Variants in FRMPD4 observed in about 807,000 individuals in gnomAD.
FRMPD4 encodes the protein FERM and PDZ domain containing 4, also known as FERM and PDZ domain-containing protein 4.
A neutral mutation model predicts 94.1 loss-of-function variants in FRMPD4; 22 were observed. The observed-to-expected ratio is 0.23, with a 90% CI of 0.17 to 0.33. The LOEUF (loss-of-function observed/expected upper bound fraction) is 0.33, where lower values mean the gene tolerates loss of function less well. Among genes scored for constraint, FRMPD4 ranks in the 10% least tolerant of loss-of-function variants. The probability of loss-of-function intolerance (pLI) is 1.00; values close to 1 mark genes in which losing one functional copy is unlikely to be tolerated. For synonymous variants in FRMPD4, 631 were observed against 548.6 expected (o/e 1.15, Z -2.10); for missense variants, 1,111 against 1,339.9 (o/e 0.83, Z 2.67).
chrX:11,900,909 C>T (rs967075034), intron 3 of FRMPD4, among the ~76,000 whole-genome samples: 3 of 111,213 alleles, frequency 2.7e-5, no homozygotes, highest in Non-Finnish European at 5.7e-5. Flanking sequence ...TGACCCCCAT[C>T]GCAGAAAGAG....
At chrX:12,443,807 C>T (rs761888992) in intron 1 of FRMPD4, among the ~76,000 whole-genome samples, 44 of 111,950 alleles carry the variant, frequency 3.9e-4, no homozygotes, top group Non-Finnish European at 7.3e-4. Flanking sequence ...TGGAAAAAAA[C>T]ACAAAGATAC....
intron 5 of FRMPD4, among the ~76,000 whole-genome samples, chrX:12,675,378 T>C (rs2059888234): frequency 9.2e-6 from 1 of 109,019 alleles, no homozygotes; most frequent in African/African-American, 3.4e-5. Context: ...GCTATCATGG[T>C]TAGGAGGGTG....
chrX:12,721,332 G>T lies in FRMPD4; in HGVS notation c.4763G>T (p.Arg1588Leu), dbSNP rs1352491883. The change falls in exon 17 of 17, where the codon CGG becomes CTG. Residue 1588 changes from arginine (R) to leucine (L), a missense_variant. Around this residue, in one of 8 missense-constraint regions of FRMPD4, gnomAD observed 551 missense variants for 591.6 expected, o/e 0.93. Transcript: ENST00000675598. ...TTCAGCAACCTGGCTTTTGATGCCCGGATTGCAAGAATAAATGCCCTAAAG... is the reference window on the plus strand; with the variant it reads ...TTCAGCAACCTGGCTTTTGATGCCCTGATTGCAAGAATAAATGCCCTAAAG... ...LDFSNLAFDA[R>L]IARINALKES... 1.3e-6 allele frequency: 1 copy of T among 753,667 alleles called. No individual in the cohort carries two copies. Among genetic ancestry groups the T allele is most frequent in the Non-Finnish European group, 1.6e-6 (1 of 638,681 alleles). The allele number at this position is 753,667 out of a possible 1,213,427, so 62.1% of individuals were successfully genotyped here.
intron 4 of FRMPD4, among the ~76,000 whole-genome samples, chrX:12,629,853 A>G (rs908956830): frequency 8.9e-6 from 1 of 112,342 alleles, no homozygotes; most frequent in African/African-American, 3.2e-5. Flanking sequence ...TGCTCTGGAA[A>G]TTGCAGGGTA....
At position 12,296,562 on chromosome X, in the gene FRMPD4, G is replaced by T. The variant is rs141120043; in HGVS notation, c.41+157550G>T. Among the ~76,000 whole-genome samples, 412 of 112,058 alleles carry T rather than the reference G, an allele frequency of 3.7e-3. 2 individuals carry two copies. Among genetic ancestry groups the T allele is most frequent in the Non-Finnish European group, 5.7e-3 (304 of 53,145 alleles). On this transcript the variant is annotated intron_variant, in intron 1 of 16. Transcript: ENST00000675598. The stretch of plus-strand genomic sequence containing the variant: ...GGGGGTTGGGTAGATCAGCAATACA[G>T]ACCTGAGTCACTTCCAGCTTGCTGA...
intron 1 of FRMPD4, among the ~76,000 whole-genome samples, chrX:12,494,605 C>T (rs1602023170): frequency 9.0e-6 from 1 of 111,514 alleles, no homozygotes; most frequent in African/African-American, 3.3e-5. Flanking sequence ...CTCCAGGTGG[C>T]TCCTGAAAGC....
At chrX:12,585,466 G>T (rs754945054) in intron 2 of FRMPD4, among the ~76,000 whole-genome samples, 9 of 111,308 alleles carry the variant, frequency 8.1e-5, no homozygotes, top group Non-Finnish European at 1.3e-4. Context: ...TGATCCACCT[G>T]CCTTGGCCTC....
chrX:12,001,981 A>G, intron 3 of FRMPD4, among the ~76,000 whole-genome samples: 1 of 111,702 alleles, frequency 9.0e-6, no homozygotes, highest in Non-Finnish European at 1.9e-5. Flanking sequence ...GAAGTAAATA[A>G]TAATTGCAGC....
chrX:11,903,971 G>A (rs2053953328), intron 3 of FRMPD4, among the ~76,000 whole-genome samples: 1 of 110,450 alleles, frequency 9.1e-6, no homozygotes, highest in Admixed American at 9.7e-5. Context: ...TTGTAGTGAT[G>A]GGGGTCTCAC....
intron 3 of FRMPD4, among the ~76,000 whole-genome samples, chrX:11,927,410 G>A (rs377367744): frequency 9.9e-4 from 111 of 111,781 alleles, no homozygotes; most frequent in African/African-American, 3.4e-3. Context: ...TAAAATTCAT[G>A]TGGAACCAAA....
chrX:11,912,817 C>T (rs1240041255), intron 3 of FRMPD4, among the ~76,000 whole-genome samples: 1 of 110,238 alleles, frequency 9.1e-6, no homozygotes, highest in Admixed American at 9.6e-5. Context: ...GAAGAAGAAG[C>T]TGCTTCTAGA....
chrX:12,046,371 C>T (rs2054785242), intron 3 of FRMPD4, among the ~76,000 whole-genome samples: 1 of 110,804 alleles, frequency 9.0e-6, no homozygotes, highest in Non-Finnish European at 1.9e-5. Flanking sequence ...TGTGACCAAA[C>T]ATGTGCGTGT....
intron 1 of FRMPD4, among the ~76,000 whole-genome samples, chrX:12,168,786 T>C (rs5978490): frequency 0.29 from 31,921 of 108,774 alleles, 4,953 homozygotes; most frequent in East Asian, 0.61. Context: ...CCACCACGCC[T>C]GGCTAATTTT....
At chrX:11,837,544 A>AT (rs2053507951) in intron 1 of FRMPD4, among the ~76,000 whole-genome samples, 1 of 111,525 alleles carries the variant, frequency 9.0e-6, no homozygotes, top group Admixed American at 9.5e-5. Flanking sequence ...GAAATGATAC[A>AT]TTTTTATCAA....
intron 1 of FRMPD4, among the ~76,000 whole-genome samples, chrX:12,387,829 C>T (rs924001804): frequency 9.2e-6 from 1 of 108,804 alleles, no homozygotes; most frequent in Admixed American, 9.9e-5. Flanking sequence ...CTCAGGCATA[C>T]AATAGATTTG....
chrX:11,916,216 C>A (rs1180844660), intron 3 of FRMPD4, among the ~76,000 whole-genome samples: 1 of 111,200 alleles, frequency 9.0e-6, no homozygotes, highest in African/African-American at 3.3e-5. Flanking sequence ...GCAAATCACC[C>A]CATTTGTCTG....
At chrX:12,382,023 C>CA (rs1393021252) in intron 1 of FRMPD4, among the ~76,000 whole-genome samples, 1 of 110,350 alleles carries the variant, frequency 9.1e-6, no homozygotes, top group Non-Finnish European at 1.9e-5. Flanking sequence ...TGAAGGAGCC[C>CA]AAAAAACCCC....
At chrX:12,265,855 G>A (rs1050971442) in intron 1 of FRMPD4, among the ~76,000 whole-genome samples, 4 of 109,959 alleles carry the variant, frequency 3.6e-5, no homozygotes, top group Non-Finnish European at 7.6e-5. Context: ...AAAGCCGGGC[G>A]CGGTGGCTCA....
At chrX:12,517,135 G>A (rs2058107694) in intron 2 of FRMPD4, among the ~76,000 whole-genome samples, 2 of 110,178 alleles carry the variant, frequency 1.8e-5, no homozygotes, top group African/African-American at 6.6e-5. Flanking sequence ...TAGCTTCTTT[G>A]TATTGGGTTA....
Sources: gnomAD v4.1 joint callset for allele counts (sites outside exome capture counted in the v4.1 genomes callset) on GRCh38, gnomAD v4.1.1 for gene constraint, gnomAD v4.1.1 regional missense constraint, MANE v1.5 for transcripts, NCBI Gene and HGNC (gene_info 2026-07-23, HGNC 2026-07-21) for gene names.